The following ADAM20 variants were observed in gnomAD, a reference collection of about 807,000 sequenced individuals.
The protein encoded by ADAM20 is ADAM metallopeptidase domain 20.
For missense variants in ADAM20, 871 were observed against 883.2 expected (o/e 0.99, Z 0.18); for synonymous variants, 305 against 310.2 (o/e 0.98, Z 0.18).
chr14:70,525,281 A>G (rs561440211), intron 1 of ADAM20, among the ~76,000 whole-genome samples: 1 of 152,236 alleles, frequency 6.6e-6, no homozygotes, highest in South Asian at 2.1e-4. Flanking sequence ...TGACACAATC[A>G]CAGCACATTG....
At chr14:70,539,872 A>G (rs1163627420), upstream of ADAM20, among the ~76,000 whole-genome samples, 3 of 152,174 alleles carry the variant, frequency 2.0e-5, no homozygotes, top group Non-Finnish European at 4.4e-5. Context: ...AAATGCTAGT[A>G]TATTCAGTGC....
the ADAM20 span, among the ~76,000 whole-genome samples, chr14:70,555,717 G>A: frequency 6.6e-6 from 1 of 152,002 alleles, no homozygotes; most frequent in Admixed American, 6.6e-5. Flanking sequence ...GATTCCCTAC[G>A]TTTCTCTCTT....
the ADAM20 span, among the ~76,000 whole-genome samples, chr14:70,571,761 T>C: frequency 4.6e-5 from 7 of 152,314 alleles, no homozygotes; most frequent in Middle Eastern, 0.017. Flanking sequence ...AAAAGACTCC[T>C]AGACCTGATA....
In ADAM20 at chr14:70,524,259, G is replaced by A. The variant is rs2139529879; in HGVS notation, c.499C>T (p.Gln167Ter). 1 of 1,614,016 alleles carries A rather than the reference G, an allele frequency of 6.2e-7. No individual in the cohort carries two copies. Residue 167 changes from glutamine (Q) to a stop codon, truncating the protein, a stop_gained, in exon 2 of 2, where the codon CAG (glutamine) becomes TAG (stop). Transcript: ENST00000256389. LOFTEE classifies it low-confidence loss of function (END_TRUNC). ...AACCCACATCTCATAGGTGGAAACT[G>A]TGTATCATCACTGTCTATCTTATAT... ...LVYKIDSDDT[Q>*]FPPMRCGLTE...
the ADAM20 span, among the ~76,000 whole-genome samples, chr14:70,572,837 C>T: frequency 6.6e-6 from 1 of 152,124 alleles, no homozygotes; most frequent in East Asian, 1.9e-4. Flanking sequence ...AAAAAATGCT[C>T]AACATCACTA....
the ADAM20 span, among the ~76,000 whole-genome samples, chr14:70,566,981 C>CA: frequency 5.2e-4 from 77 of 147,286 alleles, no homozygotes; most frequent in African/African-American, 1.2e-3. Context: ...ATACTCCGTT[C>CA]AAAAAAAAAA....
the ADAM20 span, among the ~76,000 whole-genome samples, chr14:70,569,720 CAAG>C: frequency 6.6e-6 from 1 of 151,770 alleles, no homozygotes; most frequent in African/African-American, 2.4e-5. Context: ...TCAATTCAAT[CAAG>C]AAGACTTAAC....
chr14:70,524,117 A>G lies in ADAM20; in HGVS notation c.641T>C (p.Val214Ala), dbSNP rs1167643830. The change falls in exon 2 of 2, where the codon GTC becomes GCC. Residue 214 changes from valine (V) to alanine (A), a missense_variant. Physicochemically the swap from Val to Ala is moderately conservative, Grantham distance 64. Transcript: ENST00000256389. ...THQRFVELVVVVDNIRYLFSQ... is the reference protein window; with the variant it reads ...THQRFVELVVAVDNIRYLFSQ... ...GAAAAGATATCTAATATTATCCACGACCACTACCAGCTCAACAAACCGCTG... is the reference window on the plus strand; with the variant it reads ...GAAAAGATATCTAATATTATCCACGGCCACTACCAGCTCAACAAACCGCTG... 6.2e-7 allele frequency: 1 copy of G among 1,613,836 alleles called. No homozygotes were observed. Among genetic ancestry groups the G allele is most frequent in the Non-Finnish European group, 8.5e-7 (1 of 1,179,932 alleles).
intron 1 of ADAM20, among the ~76,000 whole-genome samples, chr14:70,531,190 C>G (rs8006905): frequency 0.011 from 1,629 of 152,160 alleles, 17 homozygotes; most frequent in African/African-American, 0.037. Context: ...TACTATGATA[C>G]AAGGATAGTT....
the ADAM20 span, among the ~76,000 whole-genome samples, chr14:70,569,885 CAAAAAAAAAAAA>C: frequency 3.9e-4 from 30 of 76,190 alleles, no homozygotes; most frequent in East Asian, 1.7e-3. Context: ...AGAAAACTAA[CAAAAAAAAAAAA>C]AAAAAAAAAA....
the ADAM20 span, among the ~76,000 whole-genome samples, chr14:70,553,313 A>AT: frequency 1.1e-5 from 1 of 94,642 alleles, no homozygotes; most frequent in Non-Finnish European, 2.0e-5. Context: ...GTATAATAAA[A>AT]AAAAAAAAAA....
chr14:70,567,437 T>C, the ADAM20 span, among the ~76,000 whole-genome samples: 1 of 152,122 alleles, frequency 6.6e-6, no homozygotes. Context: ...GCAGCACTGA[T>C]TGCTGAAGGA....
chr14:70,571,158 C>A, the ADAM20 span, among the ~76,000 whole-genome samples: 1 of 152,136 alleles, frequency 6.6e-6, no homozygotes. Flanking sequence ...ACTGAATGGG[C>A]AAATTTGAAT....
the ADAM20 span, among the ~76,000 whole-genome samples, chr14:70,541,920 A>T: frequency 6.6e-6 from 1 of 152,222 alleles, no homozygotes; most frequent in South Asian, 2.1e-4. Context: ...TGTCATCCAT[A>T]AACAATTCTT....
At chr14:70,576,204 A>T in the ADAM20 span, among the ~76,000 whole-genome samples, 3 of 152,164 alleles carry the variant, frequency 2.0e-5, no homozygotes, top group Admixed American at 2.0e-4. Context: ...CTTTGAAGAT[A>T]AGAAAAAAAG....
At chr14:70,529,170 T>A (rs776508640) in intron 1 of ADAM20, among the ~76,000 whole-genome samples, 1 of 152,156 alleles carries the variant, frequency 6.6e-6, no homozygotes, top group Non-Finnish European at 1.5e-5. Flanking sequence ...TGAACCATAC[T>A]ATAGACCATA....
chr14:70,563,028 G>C, the ADAM20 span, among the ~76,000 whole-genome samples: 1 of 152,140 alleles, frequency 6.6e-6, no homozygotes, highest in Admixed American at 6.5e-5. Context: ...AACGAAACTT[G>C]ACAACTTTCA....
At chr14:70,538,164 A>G (rs1165975793), upstream of ADAM20, among the ~76,000 whole-genome samples, 7 of 151,770 alleles carry the variant, frequency 4.6e-5, no homozygotes, top group South Asian at 4.2e-4. Context: ...CCAAGCCCTC[A>G]GCCCCAAATC....
chr14:70,545,320 G>C, the ADAM20 span, among the ~76,000 whole-genome samples: 2 of 152,214 alleles, frequency 1.3e-5, no homozygotes, highest in Admixed American at 1.3e-4. Flanking sequence ...ACCTGGCACA[G>C]AGAATCTGCG....
Sources: gnomAD v4.1 joint callset for allele counts (sites outside exome capture counted in the v4.1 genomes callset) on GRCh38, gnomAD v4.1.1 for gene constraint, MANE v1.5 for transcripts, NCBI Gene and HGNC (gene_info 2026-07-23, HGNC 2026-07-21) for gene names.